The following ZNF235 variants were observed in gnomAD, a reference collection of about 807,000 sequenced individuals.
ZNF235 encodes zinc finger protein 235.
Under a neutral mutation model 29.4 loss-of-function variants are expected in ZNF235, and 25 were observed. That is an observed-to-expected ratio of 0.85 (90% CI 0.62 to 1.19). The LOEUF (loss-of-function observed/expected upper bound fraction) is 1.19, where lower values mean the gene tolerates loss of function less well. ZNF235 is among the 50% of genes most tolerant of loss of function. ZNF235 has a pLI of 0.00. For synonymous variants in ZNF235, 300 were observed against 295.3 expected (o/e 1.02, Z -0.16); for missense variants, 788 against 885.0 (o/e 0.89, Z 1.39).
chr19:44,288,647 T>G lies in ZNF235; in HGVS notation c.788A>C (p.Tyr263Ser). The G allele has an allele frequency of 6.2e-7, 1 of 1,614,078 alleles. No individual in the cohort carries two copies. The highest frequency in any genetic ancestry group is 8.5e-7 in the Non-Finnish European group (1 of 1,179,986). Residue 263 changes from tyrosine (Y) to serine (S), a missense_variant, in exon 5 of 5, where the codon TAC becomes TCC. Coordinates refer to ENST00000291182, the MANE Select transcript of ZNF235 (RefSeq NM_004234.4). Reference protein sequence around the residue: ...QRSIHTGQKTYQGNECEEAFN... With the variant: ...QRSIHTGQKTSQGNECEEAFN... The stretch of plus-strand genomic sequence containing the variant: ...GGCTTCTTCACATTCATTACCCTGG[T>G]AGGTTTTCTGTCCTGTGTGAATACT...
chr19:44,303,031 G>A lies in ZNF235; in HGVS notation c.15+359C>T, dbSNP rs968123439. On this transcript the variant is annotated intron_variant, in intron 2 of 4. Coordinates refer to ENST00000291182, the MANE Select transcript of ZNF235 (RefSeq NM_004234.4). ...ACGTATATATTTATATAAAATATAC[G>A]TATATATTGTATACATTTATATAAA... 2.9e-3 allele frequency among the ~76,000 whole-genome samples: 369 copies of A among 125,606 alleles called. 2 individuals are homozygous for A. The highest frequency in any genetic ancestry group is 9.9e-3 in the African/African-American group (318 of 32,174). 82.4% of individuals were successfully genotyped at this position (125,606 alleles called of 152,430 possible).
Position 44,300,680 on chromosome 19 carries a change from A to C in ZNF235, c.16-948T>G, listed in dbSNP as rs531585562. Among the ~76,000 whole-genome samples the C allele has an allele frequency of 1.8e-4, 28 of 152,122 alleles. 1 individual carries two copies. The South Asian group carries it at 5.8e-3, about 32-fold the overall frequency. On this transcript the variant is annotated intron_variant, in intron 2 of 4. Transcript: ENST00000291182. Reference sequence around the variant, plus strand: ...CATGGTGAAACCCTGTCTCTACTAAAAATACAAAAATTAGTTGGGCATGAT... The same window carrying C: ...CATGGTGAAACCCTGTCTCTACTAACAATACAAAAATTAGTTGGGCATGAT...
At chr19:44,290,693 A>G in intron 4 of ZNF235, 1 of 165,230 alleles carries the variant, frequency 6.1e-6, no homozygotes. Context: ...CAAAGCCCAC[A>G]AATGCTATCT....
rs1210540047 is a variant in ZNF235, at chr19:44,287,374, C to G, written c.2061G>C (p.Gln687His). 2.5e-6 allele frequency: 4 copies of G among 1,613,464 alleles called. No individual in the cohort carries two copies. The highest frequency in any genetic ancestry group is 3.4e-6 in the Non-Finnish European group (4 of 1,179,848). ...AGGCCTGACTGAAGCCCTTCCCACA[C>G]TGCTGACACGTATAGGGTTTCTCTC... ...HTGEKPYTCQ[Q>H]CGKGFSQASH... Residue 687 changes from glutamine to histidine, a missense_variant, in exon 5 of 5, where the codon CAG becomes CAC. Physicochemically the swap from Gln to His is conservative, Grantham distance 24 (BLOSUM62 0). Transcript: ENST00000291182.
intron 4 of ZNF235, among the ~76,000 whole-genome samples, chr19:44,295,372 T>C (rs1975640843): frequency 6.6e-6 from 1 of 152,048 alleles, no homozygotes; most frequent in Non-Finnish European, 1.5e-5. Flanking sequence ...TACCTAGGAA[T>C]GTATTTAACC....
intron 2 of ZNF235, among the ~76,000 whole-genome samples, chr19:44,301,255 A>AT (rs1037455972): frequency 6.6e-6 from 1 of 152,058 alleles, no homozygotes; most frequent in Non-Finnish European, 1.5e-5. Context: ...GGAAATTAAC[A>AT]TTTTTTATCT....
Position 44,288,258 on chromosome 19 carries a change from G to C in ZNF235, c.1177C>G (p.His393Asp), listed in dbSNP as rs146057989. Residue 393 changes from histidine (H) to aspartate (D), a missense_variant, in exon 5 of 5, where the codon CAT becomes GAT. By Grantham distance (81) the His-to-Asp change is moderately conservative. Coordinates refer to ENST00000291182, the MANE Select transcript of ZNF235 (RefSeq NM_004234.4). ...TTCTCTCCAGTGTGAACTCTGCAAT[G>C]AATGTTAAGATCTGTGCTACGACTG... The part of the protein sequence containing the change: ...GFSRSTDLNI[H>D]CRVHTGEKPY... 64 of 1,614,052 alleles carry C rather than the reference G, an allele frequency of 4.0e-5. No homozygotes were observed. The highest frequency in any genetic ancestry group is 5.0e-5 in the Admixed American group (3 of 59,992).
chr19:44,296,940 T>C (rs1422918774), intron 4 of ZNF235, among the ~76,000 whole-genome samples: 4 of 152,168 alleles, frequency 2.6e-5, no homozygotes, highest in African/African-American at 9.6e-5. Flanking sequence ...AGAAAATATC[T>C]TGGGATAAAT....
At position 44,298,899 on chromosome 19, in the gene ZNF235, A is replaced by G; in HGVS notation, c.147T>C (p.His49=). The G allele has an allele frequency of 6.2e-7, 1 of 1,609,438 alleles. No individual in the cohort carries two copies. The highest frequency in any genetic ancestry group is 2.2e-5 in the East Asian group (1 of 44,866). Residue 49 remains histidine, a synonymous_variant, in exon 4 of 5, where the codon CAT becomes CAC. Transcript: ENST00000291182. Reference sequence around the variant, plus strand: ...ATATCATATCTGGTTTGAAGGACTGATGTCCTATAAAAAGATAGTATTTAA... The same window carrying G: ...ATATCATATCTGGTTTGAAGGACTGGTGTCCTATAAAAAGATAGTATTTAA... ...ENFRNLVSVG[H]QSFKPDMISQ...
chr19:44,288,103 T>G lies in ZNF235; in HGVS notation c.1332A>C (p.Ser444=). The G allele has an allele frequency of 3.7e-6, 6 of 1,614,182 alleles. No homozygotes were observed. The highest frequency in any genetic ancestry group is 5.1e-6 in the Non-Finnish European group (6 of 1,180,016). Residue 444 remains serine (S), a synonymous_variant, in exon 5 of 5, where the codon TCA becomes TCC. Transcript: ENST00000291182. ...GGACTCTCTGATGGGTATGAAGATT[T>G]GAGCTACAACTAAAGCGTTTACCAC... ...GDCGKRFSCS[S]NLHTHQRVHT...
Position 44,286,384 on chromosome 19 carries a change from A to G in ZNF235, c.*834T>C, listed in dbSNP as rs1975485924. The G allele has an allele frequency of 6.6e-6, 1 of 152,248 alleles. No homozygotes were observed. Among genetic ancestry groups the G allele is most frequent in the Non-Finnish European group, 1.5e-5 (1 of 68,042 alleles). 9.4% of individuals were successfully genotyped at this position (152,248 alleles called of 1,614,324 possible). ...CAAGTTTACTAAGAAACTTTTTGTC[A>G]TCAGTAACTACTTTTAACACTTTCA... is the stretch of plus-strand genomic sequence containing the variant. On this transcript the variant is annotated 3_prime_UTR_variant, in exon 5 of 5. Coordinates refer to ENST00000291182, the MANE Select transcript of ZNF235 (RefSeq NM_004234.4).
Position 44,288,080 on chromosome 19 carries a change from ACT to A in ZNF235, c.1353_1354del (p.Arg451SerfsTer4), listed in dbSNP as rs775785696. The A allele has an allele frequency of 1.9e-6, 3 of 1,614,088 alleles. No individual in the cohort carries two copies. The highest frequency in any genetic ancestry group is 2.5e-6 in the Non-Finnish European group (3 of 1,180,018). The stretch of plus-strand genomic sequence containing the variant: ...TTTGTATGGTTTTTCTTCAGTGTGG[ACT>A]CTCTGATGGGTATGAAGATTTGAGC... On this transcript the variant is annotated frameshift_variant, in exon 5 of 5. Transcript: ENST00000291182. LOFTEE classifies it high-confidence loss of function.
At chr19:44,295,972 A>C (rs1290155097) in intron 4 of ZNF235, among the ~76,000 whole-genome samples, 1 of 152,212 alleles carries the variant, frequency 6.6e-6, no homozygotes, top group Non-Finnish European at 1.5e-5. Flanking sequence ...CCATTGTTTT[A>C]ATTTGCATTT....
At chr19:44,303,320 AG>A (rs1281048056) in intron 2 of ZNF235, 69 bp downstream of exon 2, 1 of 1,560,268 alleles carries the variant, frequency 6.4e-7, no homozygotes, top group African/African-American at 1.4e-5. Context: ...GTTCCCAAAC[AG>A]GAAAAATGTG....
chr19:44,294,036 C>A lies in ZNF235; in HGVS notation c.238+4772G>T, dbSNP rs531897143. Reference sequence around the variant, plus strand: ...AGGAAAAATCCAAACCCAAAGTCAGCAGAAGAAAGATATAACAAAGACCAC... The same window carrying A: ...AGGAAAAATCCAAACCCAAAGTCAGAAGAAGAAAGATATAACAAAGACCAC... On this transcript the variant is annotated intron_variant, in intron 4 of 4. Transcript: ENST00000291182. Among the ~76,000 whole-genome samples the A allele has an allele frequency of 8.6e-5, 13 of 151,030 alleles. No homozygotes were observed. In the South Asian group the frequency reaches 2.7e-3, roughly 32 times the overall value.
Position 44,287,420 on chromosome 19 carries a change from G to T in ZNF235, c.2015C>A (p.Ala672Asp). 2.5e-6 allele frequency: 4 copies of T among 1,612,668 alleles called. No homozygotes were observed. The highest frequency in any genetic ancestry group is 3.4e-6 in the Non-Finnish European group (4 of 1,179,542). ...KEFSWSAGLS[A>D]HQRVHTGEKP... Reference sequence around the variant, plus strand: ...CTCTCCTGTGTGGACCCTCTGATGGGCACTGAGACCAGCACTCCAACTGAA... The same window carrying T: ...CTCTCCTGTGTGGACCCTCTGATGGTCACTGAGACCAGCACTCCAACTGAA... The change falls in exon 5 of 5, where the codon GCC (alanine) becomes GAC (aspartate). Residue 672 changes from alanine (A) to aspartate (D), a missense_variant. Ala to Asp is a moderately radical substitution (Grantham distance 126). Transcript: ENST00000291182.
At position 44,298,897 on chromosome 19, in the gene ZNF235, T is replaced by G. The variant is rs766551503; in HGVS notation, c.149A>C (p.Gln50Pro). 1 of 1,609,646 alleles carries G rather than the reference T, an allele frequency of 6.2e-7. No individual in the cohort carries two copies. The highest frequency in any genetic ancestry group is 2.2e-5 in the East Asian group (1 of 44,870). ...NFRNLVSVGH[Q>P]SFKPDMISQL... The stretch of plus-strand genomic sequence containing the variant: ...GGATATCATATCTGGTTTGAAGGAC[T>G]GATGTCCTATAAAAAGATAGTATTT... The change falls in exon 4 of 5, where the codon CAG becomes CCG. Residue 50 changes from glutamine (Q) to proline (P), a missense_variant. Coordinates refer to ENST00000291182, the MANE Select transcript of ZNF235 (RefSeq NM_004234.4).
At chr19:44,299,445 C>A (rs1019094829) in intron 3 of ZNF235, among the ~76,000 whole-genome samples, 161 bp downstream of exon 3, 7 of 152,216 alleles carry the variant, frequency 4.6e-5, no homozygotes, top group African/African-American at 1.4e-4. Flanking sequence ...AGTCTCTGAG[C>A]AGTCCCAAAG....
intron 4 of ZNF235, among the ~76,000 whole-genome samples, chr19:44,292,501 G>A (rs1416179866): frequency 1.3e-5 from 2 of 151,180 alleles, no homozygotes; most frequent in Admixed American, 1.3e-4. Context: ...AAGCATCTCG[G>A]TACTTCAAGA....
Sources: allele counts gnomAD v4.1 joint callset (sites outside exome capture counted in the v4.1 genomes callset), GRCh38; gene constraint gnomAD v4.1.1; transcripts MANE v1.5; gene names NCBI Gene and HGNC (gene_info 2026-07-23, HGNC 2026-07-21).